The following TSPAN7 variants were observed in gnomAD, a reference collection of about 807,000 sequenced individuals.
TSPAN7 encodes the protein tetraspanin 7.
In TSPAN7, 1 loss-of-function variant was observed where a neutral mutation model predicts 17.6. That is an observed-to-expected ratio of 0.06 (90% confidence interval 0.02 to 0.27). The LOEUF is 0.27. Among genes scored for constraint, TSPAN7 ranks in the 10% least tolerant of loss-of-function variants. TSPAN7 has a pLI of 1.00. For missense variants in TSPAN7, 112 were observed against 201.7 expected, an observed-to-expected ratio of 0.56 and a Z score of 2.69; for synonymous variants, 78 against 79.0, an observed-to-expected ratio of 0.99 and a Z score of 0.07.
At chrX:38,582,536 A>G (rs913539086) in intron 1 of TSPAN7, among the ~76,000 whole-genome samples, 4 of 111,360 alleles carry the variant, frequency 3.6e-5, no homozygotes. Context: ...TATTTTTCCA[A>G]CCCTGCTTTG....
intron 2 of TSPAN7, among the ~76,000 whole-genome samples, chrX:38,669,584 TC>T (rs1277442714): frequency 8.9e-6 from 1 of 112,317 alleles, no homozygotes; most frequent in Non-Finnish European, 1.9e-5. Flanking sequence ...ACGGCCACTC[TC>T]TGAAAGCTCC....
At position 38,659,280 on chromosome X, in the gene TSPAN7, C is replaced by T. The variant is rs369764513; in HGVS notation, c.82-6841C>T. ...TACCCTTTCTTACCCAGGAGCCTCT[C>T]GCCACCTGGGAAAGCTGACAGAACA... On this transcript the variant is annotated intron_variant, in intron 1 of 7. Transcript: ENST00000378482. 2.6e-4 allele frequency among the ~76,000 whole-genome samples: 29 copies of T among 111,672 alleles called. 1 individual carries two copies. In the East Asian group the frequency reaches 6.2e-3, roughly 24 times the overall value.
At chrX:38,674,353 T>C in intron 4 of TSPAN7, 37 bp downstream of exon 4, 1 of 1,115,932 alleles carries the variant, frequency 9.0e-7, no homozygotes, top group Middle Eastern at 2.6e-4. Flanking sequence ...GAACTAACTA[T>C]GAAGTCTAGG....
At chrX:38,678,078 C>T (rs924254527) in intron 5 of TSPAN7, among the ~76,000 whole-genome samples, 1 of 111,993 alleles carries the variant, frequency 8.9e-6, no homozygotes, top group African/African-American at 3.2e-5. Context: ...TGGGAGAGAA[C>T]AGGAGGAAAA....
chrX:38,649,186 A>G (rs184510254), intron 1 of TSPAN7, among the ~76,000 whole-genome samples: 1 of 111,163 alleles, frequency 9.0e-6, no homozygotes, highest in East Asian at 2.8e-4. Context: ...TATTGTCCAC[A>G]CTGACACATT....
chrX:38,605,243 A>T lies in TSPAN7; in HGVS notation c.81+43616A>T, dbSNP rs759856669. On this transcript the variant is annotated intron_variant, in intron 1 of 7. Transcript: ENST00000378482. ...GATACAAAATCAATGTGCAAAAATCACAAGCATTCTTATACACCGATAACA... is the reference window on the plus strand; with the variant it reads ...GATACAAAATCAATGTGCAAAAATCTCAAGCATTCTTATACACCGATAACA... Among the ~76,000 whole-genome samples the T allele has an allele frequency of 3.8e-4, 42 of 111,160 alleles. No individual in the cohort carries two copies. In the East Asian group the frequency reaches 9.4e-3, roughly 25 times the overall value.
intron 1 of TSPAN7, among the ~76,000 whole-genome samples, chrX:38,583,279 C>T (rs1278695857): frequency 8.9e-6 from 1 of 112,289 alleles, no homozygotes; most frequent in African/African-American, 3.2e-5. Flanking sequence ...TCAAATGTCA[C>T]ATTTTGTGGG....
At chrX:38,610,201 C>A (rs1424450963) in intron 1 of TSPAN7, among the ~76,000 whole-genome samples, 1 of 111,522 alleles carries the variant, frequency 9.0e-6, no homozygotes, top group Non-Finnish European at 1.9e-5. Context: ...ATTTTGTGAT[C>A]TATGGGTATT....
At chrX:38,682,819 A>G (rs1017591348) in intron 6 of TSPAN7, among the ~76,000 whole-genome samples, 3 of 111,981 alleles carry the variant, frequency 2.7e-5, no homozygotes, top group South Asian at 3.8e-4. Context: ...TTCAATAATA[A>G]TACTCAGCAA....
chrX:38,622,903 C>A (rs766830180), intron 1 of TSPAN7: 1 of 329,992 alleles, frequency 3.0e-6, no homozygotes, highest in Non-Finnish European at 5.9e-6. Context: ...TTTGGGATAG[C>A]CTTGCCTACT....
At chrX:38,687,519 A>G in intron 6 of TSPAN7, 80 bp from the exon 7 acceptor site, 1 of 915,987 alleles carries the variant, frequency 1.1e-6, no homozygotes, top group Non-Finnish European at 1.5e-6. Context: ...CCATAAATAT[A>G]TAAAATTATT....
chrX:38,647,484 C>G (rs1334831634), intron 1 of TSPAN7, among the ~76,000 whole-genome samples: 1 of 111,774 alleles, frequency 8.9e-6, no homozygotes, highest in Non-Finnish European at 1.9e-5. Flanking sequence ...TAGAAGGTAC[C>G]AAACATACTA....
chrX:38,590,000 T>G (rs2147405089), intron 1 of TSPAN7, among the ~76,000 whole-genome samples: 2 of 113,261 alleles, frequency 1.8e-5, no homozygotes, highest in East Asian at 5.5e-4. Context: ...CTGATCTGGA[T>G]TCTACTTTTC....
In TSPAN7 at chrX:38,675,905, T is replaced by TG. The variant is rs767128840; in HGVS notation, c.597+52dup. ...CCAGATGGGACCAGTGGTGAATGTT[T>TG]GGGGGGGCTTTTTTATTTCCATGAA... On this transcript the variant is annotated intron_variant, in intron 5 of 7. Transcript: ENST00000378482. 34 of 1,174,447 alleles carry TG rather than the reference T, an allele frequency of 2.9e-5. No homozygotes were observed. In the South Asian group the frequency reaches 4.0e-4, roughly 14 times the overall value.
At chrX:38,644,622 C>T (rs186639930) in intron 1 of TSPAN7, among the ~76,000 whole-genome samples, 5 of 111,483 alleles carry the variant, frequency 4.5e-5, no homozygotes, top group Non-Finnish European at 7.5e-5. Flanking sequence ...GAATAAATGA[C>T]GTGGATTCTA....
intron 1 of TSPAN7, among the ~76,000 whole-genome samples, chrX:38,648,717 G>T (rs192286371): frequency 2.1e-4 from 24 of 111,740 alleles, no homozygotes; most frequent in African/African-American, 7.2e-4. Context: ...CTCCCAAAGT[G>T]CTGGGATTAC....
chrX:38,654,740 CA>C (rs2069692823), intron 1 of TSPAN7, among the ~76,000 whole-genome samples: 1 of 109,027 alleles, frequency 9.2e-6, no homozygotes, highest in African/African-American at 3.4e-5. Context: ...ATGAATAGGA[CA>C]AAAATCCTGC....
chrX:38,622,107 C>A (rs2147423981), intron 1 of TSPAN7, among the ~76,000 whole-genome samples: 1 of 112,598 alleles, frequency 8.9e-6, no homozygotes, highest in East Asian at 2.8e-4. Flanking sequence ...AGTTGCCACG[C>A]CTTGGCCAGA....
intron 1 of TSPAN7, among the ~76,000 whole-genome samples, chrX:38,624,094 T>G (rs1426926345): frequency 9.0e-6 from 1 of 110,816 alleles, no homozygotes; most frequent in Admixed American, 9.6e-5. Flanking sequence ...TTTTGAGTGT[T>G]TTTTTGTTTT....
Sources: gnomAD v4.1 joint callset for allele counts (sites outside exome capture counted in the v4.1 genomes callset) on GRCh38, gnomAD v4.1.1 for gene constraint, MANE v1.5 for transcripts, NCBI Gene and HGNC (gene_info 2026-07-23, HGNC 2026-07-21) for gene names.